The following PCDHGB3 variants were observed in gnomAD, a reference collection of about 807,000 sequenced individuals.
The protein encoded by PCDHGB3 is protocadherin gamma-B3.
A neutral mutation model predicts 59.2 loss-of-function variants in PCDHGB3; 40 were observed. That is an observed-to-expected ratio of 0.68 (90% CI 0.52 to 0.88). The LOEUF (loss-of-function observed/expected upper bound fraction) is 0.88, where lower values mean the gene tolerates loss of function less well. Ranked by LOEUF, PCDHGB3 falls within the 40% of genes least tolerant of loss-of-function variation. The pLI is 0.00. For missense variants in PCDHGB3, 1,309 were observed against 1,187.9 expected, an observed-to-expected ratio of 1.10 and a Z score of -1.50; for synonymous variants, 581 against 503.6, an observed-to-expected ratio of 1.15 and a Z score of -2.06.
chr5:141,383,264 A>T, intron 1 of PCDHGB3: 1 of 1,613,962 alleles, frequency 6.2e-7, no homozygotes, highest in Non-Finnish European at 8.5e-7. Context: ...ATAGACGTGG[A>T]AATAATAGAT....
chr5:141,385,108 A>C, intron 1 of PCDHGB3: 1 of 1,614,126 alleles, frequency 6.2e-7, no homozygotes, highest in Non-Finnish European at 8.5e-7. Flanking sequence ...GAACGTGCCC[A>C]CCTCGCACTT....
intron 1 of PCDHGB3, chr5:141,441,973 C>T (rs1457832429): frequency 6.7e-6 from 2 of 296,542 alleles, no homozygotes; most frequent in Admixed American, 4.4e-5. Context: ...GCTCTTCAGC[C>T]TGGAATGCGC....
intron 1 of PCDHGB3, chr5:141,388,314 G>C: frequency 6.2e-7 from 1 of 1,613,824 alleles, no homozygotes; most frequent in Non-Finnish European, 8.5e-7. Context: ...GCAAATAAGT[G>C]AGTCTGCACA....
intron 1 of PCDHGB3, chr5:141,429,155 G>A (rs115622025): frequency 0.044 from 6,389 of 145,752 alleles, 216 homozygotes; most frequent in African/African-American, 0.099. Flanking sequence ...CACCCGGCCC[G>A]GAGACATTGT....
intron 1 of PCDHGB3, chr5:141,421,442 A>G (rs769354611): frequency 1.7e-5 from 27 of 1,613,990 alleles, no homozygotes; most frequent in Non-Finnish European, 2.2e-5. Context: ...TCCAGAGGGA[A>G]GACACAGCTT....
intron 1 of PCDHGB3, chr5:141,478,331 G>C: frequency 6.2e-7 from 1 of 1,613,956 alleles, no homozygotes; most frequent in Non-Finnish European, 8.5e-7. Context: ...CCGAACACCA[G>C]GGCCCTCCTT....
At chr5:141,467,352 C>A (rs2099142466) in intron 1 of PCDHGB3, among the ~76,000 whole-genome samples, 1 of 152,140 alleles carries the variant, frequency 6.6e-6, no homozygotes, top group South Asian at 2.1e-4. Context: ...TGCCCCCGGC[C>A]AAATCAACGT....
chr5:141,499,253 T>C (rs1189676230), intron 2 of PCDHGB3, among the ~76,000 whole-genome samples: 1 of 152,030 alleles, frequency 6.6e-6, no homozygotes, highest in Non-Finnish European at 1.5e-5. Context: ...ACAAAGAGTC[T>C]CCATTTGGTC....
At chr5:141,464,091 T>G (rs2099075583) in intron 1 of PCDHGB3, among the ~76,000 whole-genome samples, 1 of 151,812 alleles carries the variant, frequency 6.6e-6, no homozygotes, top group African/African-American at 2.4e-5. Flanking sequence ...ATGGTGAAAC[T>G]CCGTCTCTAC....
At chr5:141,399,063 A>G (rs762517133) in intron 1 of PCDHGB3, 1 of 1,613,714 alleles carries the variant, frequency 6.2e-7, no homozygotes, top group South Asian at 1.1e-5. Flanking sequence ...AGGAATATTC[A>G]ATGGTTGTAG....
rs954948864 is a variant in PCDHGB3, at chr5:141,382,821, C to T, written c.2415+10012C>T. On this transcript the variant is annotated intron_variant, in intron 1 of 3. Transcript: ENST00000576222. ...GGATTCTGAGCTCCCCTTCCTAAGACAGAGGGGTCCACCCGGATACACCCG... is the reference window on the plus strand; with the variant it reads ...GGATTCTGAGCTCCCCTTCCTAAGATAGAGGGGTCCACCCGGATACACCCG... 3.1e-6 allele frequency: 4 copies of T among 1,306,294 alleles called. No homozygotes were observed. In the African/African-American group the frequency reaches 5.9e-5, roughly 19 times the overall value. The allele number at this position is 1,306,294 out of a possible 1,614,324, so 80.9% of individuals were successfully genotyped here. A position where few individuals can be genotyped will look rare whatever the true frequency, so the allele number is the denominator to read the frequency against.
intron 1 of PCDHGB3, among the ~76,000 whole-genome samples, chr5:141,464,912 T>A (rs1303305860): frequency 2.6e-5 from 4 of 152,092 alleles, no homozygotes; most frequent in Non-Finnish European, 5.9e-5. Context: ...CTAATTTTTT[T>A]ATTTTTTTGT....
intron 1 of PCDHGB3, among the ~76,000 whole-genome samples, chr5:141,447,644 G>A (rs1212910845): frequency 1.3e-5 from 2 of 152,146 alleles, no homozygotes; most frequent in Admixed American, 1.3e-4. Context: ...AATGATGGTA[G>A]AATTTTCCCC....
rs966835739 is a variant in PCDHGB3 at position 141,371,815 on chromosome 5, T to C, written c.1421T>C (p.Val474Ala). The C allele has an allele frequency of 1.2e-6, 2 of 1,613,738 alleles. No homozygotes were observed. Among genetic ancestry groups the C allele is most frequent in the Non-Finnish European group, 1.7e-6 (2 of 1,179,900 alleles). The change falls in exon 1 of 4, where the codon GTC (valine) becomes GCC (alanine). Residue 474 changes from valine to alanine, a missense_variant. Transcript: ENST00000576222. ...NNPPGASIAH[V>A]RASDPDLGPN... is the part of the protein sequence containing the mutation. ...CCGCCTGGAGCCTCCATTGCGCATG[T>C]CAGAGCCTCGGATCCCGACTTGGGA...
Position 141,486,979 on chromosome 5 carries a change from C to T in PCDHGB3, c.2416-7828C>T. On this transcript the variant is annotated intron_variant, in intron 1 of 3. Transcript: ENST00000576222. This position sits in a 1 kb window ranked among gnomAD's most constrained non-coding sequence, Gnocchi z 5.0. ...CTGCTGTGGACTTGGATTCAGGTTACAATGCTTGGGTTTCCTATCAGCTCC... is the reference window on the plus strand; with the variant it reads ...CTGCTGTGGACTTGGATTCAGGTTATAATGCTTGGGTTTCCTATCAGCTCC... 6.2e-7 allele frequency: 1 copy of T among 1,614,200 alleles called. No individual in the cohort carries two copies. Among genetic ancestry groups the T allele is most frequent in the Non-Finnish European group, 8.5e-7 (1 of 1,180,032 alleles).
intron 1 of PCDHGB3, chr5:141,390,739 A>G (rs1459430005): frequency 5.6e-6 from 1 of 178,034 alleles, no homozygotes; most frequent in Non-Finnish European, 1.2e-5. Context: ...TATGGTCTCC[A>G]TAGTAGTCCA....
Position 141,431,388 on chromosome 5 carries a change from T to G in PCDHGB3, c.2415+58579T>G. 1 of 1,613,920 alleles carries G rather than the reference T, an allele frequency of 6.2e-7. No individual in the cohort carries two copies. The highest frequency in any genetic ancestry group is 8.5e-7 in the Non-Finnish European group (1 of 1,180,038). ...CGCGAAGAAAAGGCTGCTCACCACC[T>G]GGTCCTTACGGCCTCCGACGGGGGC... On this transcript the variant is annotated intron_variant, in intron 1 of 3. Transcript: ENST00000576222. The surrounding 1 kb of genome is among the most constrained non-coding windows in gnomAD (Gnocchi z 4.8).
At chr5:141,396,729 T>C (rs1197764011) in intron 1 of PCDHGB3, 1 of 152,214 alleles carries the variant, frequency 6.6e-6, no homozygotes, top group Non-Finnish European at 1.5e-5. Flanking sequence ...CCTGAATTGA[T>C]TGTTGTAAGG....
chr5:141,399,263 A>G, intron 1 of PCDHGB3: 9 of 1,613,918 alleles, frequency 5.6e-6, no homozygotes, highest in Non-Finnish European at 7.6e-6. Context: ...GGGGAGGTTA[A>G]TTGTCAATTA....
Sources: allele counts gnomAD v4.1 joint callset (sites outside exome capture counted in the v4.1 genomes callset), GRCh38; gene constraint gnomAD v4.1.1; non-coding constraint Gnocchi (gnomAD v3.1); transcripts MANE v1.5; gene names NCBI Gene and HGNC (gene_info 2026-07-23, HGNC 2026-07-21).